OSMR: variants seen among roughly 807,000 people sequenced by gnomAD.
The protein encoded by OSMR is oncostatin-M-specific receptor subunit beta.
A neutral mutation model predicts 99.9 loss-of-function variants in OSMR; 81 were observed. The observed-to-expected ratio is 0.81, with a 90% CI of 0.68 to 0.97. The LOEUF is 0.97. Ranked by LOEUF, OSMR falls within the 50% of genes least tolerant of loss-of-function variation. OSMR has a pLI of 0.00. For synonymous variants in OSMR, 406 were observed against 410.4 expected (o/e 0.99, Z 0.13); for missense variants, 1,099 against 1,153.4 (o/e 0.95, Z 0.68).
intron 1 of OSMR, among the ~76,000 whole-genome samples, chr5:38,846,637 A>G (rs927395005): frequency 6.6e-6 from 1 of 152,024 alleles, no homozygotes; most frequent in African/African-American, 2.4e-5. Context: ...TTTTTCTGGG[A>G]ATCCGTGTAT....
chr5:38,874,106 T>C (rs1742616644), intron 2 of OSMR, among the ~76,000 whole-genome samples: 1 of 152,242 alleles, frequency 6.6e-6, no homozygotes, highest in South Asian at 2.1e-4. Flanking sequence ...GAGTTCTTTA[T>C]GTAGTATGGA....
At chr5:38,916,044 G>A (rs1745877544) in intron 9 of OSMR, among the ~76,000 whole-genome samples, 1 of 152,084 alleles carries the variant, frequency 6.6e-6, no homozygotes, top group Admixed American at 6.5e-5. Flanking sequence ...TACTATTCTT[G>A]TGAAGTTCAT....
At chr5:38,878,948 C>G (rs1198429639) in intron 3 of OSMR, among the ~76,000 whole-genome samples, 1 of 152,160 alleles carries the variant, frequency 6.6e-6, no homozygotes, top group Non-Finnish European at 1.5e-5. Flanking sequence ...AGCCTGTGCT[C>G]CCAGATCAGG....
intron 9 of OSMR, among the ~76,000 whole-genome samples, chr5:38,916,325 A>G (rs1278835764): frequency 6.6e-6 from 1 of 152,138 alleles, no homozygotes; most frequent in Non-Finnish European, 1.5e-5. Context: ...TTGACCATCC[A>G]TTTTCTAAAG....
chr5:38,884,162 G>A, intron 5 of OSMR, 51 bp downstream of exon 5: 2 of 1,280,524 alleles, frequency 1.6e-6, no homozygotes, highest in Non-Finnish European at 2.3e-6. Flanking sequence ...CTGAGGAATA[G>A]ATTAAATCTC....
chr5:38,848,158 G>A (rs1245480811), intron 1 of OSMR, among the ~76,000 whole-genome samples: 1 of 152,210 alleles, frequency 6.6e-6, no homozygotes, highest in Non-Finnish European at 1.5e-5. Flanking sequence ...CAGTAGAAGA[G>A]AATCTTAGTG....
intron 2 of OSMR, among the ~76,000 whole-genome samples, chr5:38,874,354 A>G (rs557696178): frequency 6.6e-6 from 1 of 152,224 alleles, no homozygotes; most frequent in African/African-American, 2.4e-5. Context: ...CCAGCATCAC[A>G]TTTACAAAAT....
chr5:38,925,639 C>CAATT lies in OSMR; in HGVS notation c.2212+269_2212+272dup, dbSNP rs537930916. The stretch of plus-strand genomic sequence containing the variant: ...CTGCCTCCCTCAGTGGCCCTTGAGA[C>CAATT]AATTCTCTGGAACTCAGTCTCACAA... On this transcript the variant is annotated intron_variant, in intron 15 of 17. Coordinates refer to ENST00000274276, the MANE Select transcript of OSMR (RefSeq NM_003999.3). Among the ~76,000 whole-genome samples, 282 of 152,310 alleles carry CAATT rather than the reference C, an allele frequency of 1.9e-3. 1 individual carries two copies. The highest frequency in any genetic ancestry group is 0.011 in the South Asian group (51 of 4,822).
At chr5:38,868,015 T>C (rs1742079260) in intron 1 of OSMR, among the ~76,000 whole-genome samples, 1 of 152,170 alleles carries the variant, frequency 6.6e-6, no homozygotes, top group African/African-American at 2.4e-5. Flanking sequence ...TGGGGAAGAA[T>C]GGAGATGCCC....
chr5:38,903,343 A>G (rs1031727771), intron 7 of OSMR, among the ~76,000 whole-genome samples: 2 of 152,226 alleles, frequency 1.3e-5, no homozygotes, highest in African/African-American at 2.4e-5. Flanking sequence ...ACCATAGCTG[A>G]GAGACCTCAG....
intron 7 of OSMR, among the ~76,000 whole-genome samples, chr5:38,896,598 A>G (rs965959610): frequency 6.6e-6 from 1 of 152,094 alleles, no homozygotes; most frequent in African/African-American, 2.4e-5. Context: ...GCAGACAAGG[A>G]AAATTTGGCT....
At chr5:38,921,821 A>C in intron 12 of OSMR, 27 bp downstream of exon 12, 1 of 1,561,236 alleles carries the variant, frequency 6.4e-7, no homozygotes, top group Non-Finnish European at 8.8e-7. Context: ...ATATCATCGC[A>C]TTGCTATATT....
chr5:38,936,414 G>A (rs1187497573), downstream of OSMR, among the ~76,000 whole-genome samples: 1 of 152,082 alleles, frequency 6.6e-6, no homozygotes, highest in African/African-American at 2.4e-5. Context: ...GATGGGACTG[G>A]CATATATGGC....
chr5:38,852,483 AC>A (rs944611077), intron 1 of OSMR, among the ~76,000 whole-genome samples: 55 of 152,254 alleles, frequency 3.6e-4, no homozygotes, highest in African/African-American at 1.1e-3. Context: ...TTTAAACGTT[AC>A]CAATTGGATA....
intron 1 of OSMR, among the ~76,000 whole-genome samples, chr5:38,943,964 G>A (rs1254294161): frequency 6.6e-6 from 1 of 151,912 alleles, no homozygotes; most frequent in Non-Finnish European, 1.5e-5. Flanking sequence ...CAAACTTTTT[G>A]GTCTCAGGAC....
In OSMR at chr5:38,933,064, A is replaced by G. The variant is rs1334615859; in HGVS notation, c.2560A>G (p.Ile854Val). 1.2e-6 allele frequency: 2 copies of G among 1,614,194 alleles called. No homozygotes were observed. Among genetic ancestry groups the G allele is most frequent in the Non-Finnish European group, 1.7e-6 (2 of 1,180,026 alleles). ...GAATCACTCTGGCCCTGGCCCCTGC[A>G]TCTGTTTTGAGAACTTGACCTATAA... ...EKNHSGPGPCICFENLTYNQA... is the reference protein window; with the variant it reads ...EKNHSGPGPCVCFENLTYNQA... The change falls in exon 18 of 18, where the codon ATC (isoleucine) becomes GTC (valine). Residue 854 changes from isoleucine to valine, a missense_variant. Ile to Val is a conservative substitution (Grantham distance 29). Transcript: ENST00000274276.
At chr5:38,859,492 G>T (rs1474502937) in intron 1 of OSMR, among the ~76,000 whole-genome samples, 1 of 152,092 alleles carries the variant, frequency 6.6e-6, no homozygotes, top group African/African-American at 2.4e-5. Context: ...TGCTGTTTGG[G>T]TTACTGTAGT....
In OSMR at chr5:38,881,624, A is replaced by G. The variant is rs749451969; in HGVS notation, c.278A>G (p.Gln93Arg). 3.1e-6 allele frequency: 5 copies of G among 1,614,014 alleles called. No homozygotes were observed. In the African/African-American group the frequency reaches 5.3e-5, roughly 17 times the overall value. Residue 93 changes from glutamine (Q) to arginine (R), a missense_variant, in exon 4 of 18, where the codon CAG becomes CGG. Gln to Arg is a conservative substitution (Grantham distance 43). Transcript: ENST00000274276. ...TACAGCACCACTGTGAAGTGGAACC[A>G]GGTTCTGCATTGGAGCTGGGAATCT... The part of the protein sequence containing the change: ...GNYSTTVKWN[Q>R]VLHWSWESEL...
chr5:38,904,659 G>A (rs916903608), intron 9 of OSMR, among the ~76,000 whole-genome samples, 156 bp downstream of exon 9: 4 of 152,216 alleles, frequency 2.6e-5, no homozygotes, highest in Admixed American at 6.5e-5. Flanking sequence ...CTCATGAGAA[G>A]TGAATGGGAA....
Sources: allele counts gnomAD v4.1 joint callset (sites outside exome capture counted in the v4.1 genomes callset), GRCh38; gene constraint gnomAD v4.1.1; transcripts MANE v1.5; gene names NCBI Gene and HGNC (gene_info 2026-07-23, HGNC 2026-07-21).